LUZP2: variants seen among roughly 807,000 people sequenced by gnomAD.
LUZP2 encodes the protein leucine zipper protein 2.
LUZP2 carries 52 observed loss-of-function variants against 51.6 expected under a neutral mutation model. The ratio of observed to expected loss-of-function variants is 1.01; its 90% confidence interval spans 0.81 to 1.27. LUZP2 has a LOEUF of 1.27. LUZP2 is among the 50% of genes most tolerant of loss of function. LUZP2 has a pLI of 0.00. For synonymous variants in LUZP2, 154 were observed against 137.3 expected, an observed-to-expected ratio of 1.12 and a Z score of -0.85; for missense variants, 436 against 395.4, an observed-to-expected ratio of 1.10 and a Z score of -0.87.
intron 5 of LUZP2, among the ~76,000 whole-genome samples, chr11:24,898,346 C>CG (rs1484252217): frequency 2.0e-5 from 3 of 152,078 alleles, no homozygotes; most frequent in Non-Finnish European, 2.9e-5. Flanking sequence ...AGTTTAAGGC[C>CG]GGGCGCGGTG....
chr11:24,827,090 AGT>A (rs72063121), intron 5 of LUZP2, among the ~76,000 whole-genome samples: 112,917 of 151,862 alleles, frequency 0.74, 42,869 homozygotes, highest in Middle Eastern at 0.85. Context: ...AGAAATACAT[AGT>A]GTGGGTTTTG....
intron 10 of LUZP2, among the ~76,000 whole-genome samples, chr11:25,057,531 C>T (rs914337460): frequency 5.3e-5 from 8 of 152,156 alleles, no homozygotes; most frequent in African/African-American, 1.9e-4. Flanking sequence ...TACTCCATCC[C>T]ATTTTCCTGC....
chr11:24,849,869 A>C (rs899542237), intron 5 of LUZP2, among the ~76,000 whole-genome samples: 30 of 152,154 alleles, frequency 2.0e-4, no homozygotes, highest in African/African-American at 6.8e-4. Context: ...CATTTCTCTA[A>C]TGACCAGTGA....
chr11:24,961,718 C>G (rs1483606537), intron 7 of LUZP2, among the ~76,000 whole-genome samples: 1 of 152,010 alleles, frequency 6.6e-6, no homozygotes, highest in Non-Finnish European at 1.5e-5. Flanking sequence ...CTGTCTGTGT[C>G]TTTTAATTGA....
chr11:24,892,950 G>A (rs1412806178), intron 5 of LUZP2: 2 of 152,098 alleles, frequency 1.3e-5, no homozygotes, highest in African/African-American at 4.8e-5. Context: ...GTTTTCAAGA[G>A]TCCCAAAACA....
chr11:24,742,009 T>A (rs943296990), intron 4 of LUZP2, among the ~76,000 whole-genome samples: 1 of 125,960 alleles, frequency 7.9e-6, no homozygotes, highest in Non-Finnish European at 1.5e-5. Flanking sequence ...ATATTATATA[T>A]AAATATAATT....
At chr11:24,622,352 C>T (rs915530808) in intron 1 of LUZP2, among the ~76,000 whole-genome samples, 1 of 151,596 alleles carries the variant, frequency 6.6e-6, no homozygotes, top group African/African-American at 2.4e-5. Flanking sequence ...TTGTTCAATT[C>T]CCACCTATGA....
chr11:24,880,267 G>T (rs1035982288), intron 5 of LUZP2, among the ~76,000 whole-genome samples: 3 of 130,670 alleles, frequency 2.3e-5, no homozygotes, highest in African/African-American at 2.7e-5. Flanking sequence ...CAATTGCTGC[G>T]CTCTCCCTCT....
At chr11:24,899,369 A>G (rs1853198648) in intron 5 of LUZP2, among the ~76,000 whole-genome samples, 1 of 151,978 alleles carries the variant, frequency 6.6e-6, no homozygotes, top group Non-Finnish European at 1.5e-5. Context: ...GTACAATATC[A>G]ATTCTAAATA....
At chr11:24,773,245 A>G (rs1848804041) in intron 5 of LUZP2, among the ~76,000 whole-genome samples, 1 of 152,188 alleles carries the variant, frequency 6.6e-6, no homozygotes, top group African/African-American at 2.4e-5. Flanking sequence ...ACATTGTGCT[A>G]GATTCCAGAG....
At chr11:24,520,221 A>T (rs544912193) in intron 1 of LUZP2, among the ~76,000 whole-genome samples, 276 of 149,558 alleles carry the variant, frequency 1.8e-3, no homozygotes, top group Middle Eastern at 6.9e-3. Flanking sequence ...TTACCAACAG[A>T]ATTGAATAAA....
At chr11:24,972,664 G>A (rs1243210571) in intron 7 of LUZP2, among the ~76,000 whole-genome samples, 3 of 151,942 alleles carry the variant, frequency 2.0e-5, no homozygotes, top group African/African-American at 7.3e-5. Context: ...GCCTTTTTCT[G>A]TGTCTATTGA....
At chr11:24,756,483 G>A (rs189407949) in intron 4 of LUZP2, among the ~76,000 whole-genome samples, 1 of 152,298 alleles carries the variant, frequency 6.6e-6, no homozygotes, top group East Asian at 1.9e-4. Context: ...CATAACTGCA[G>A]CTCTATACCA....
chr11:24,843,473 G>C (rs183677508), intron 5 of LUZP2, among the ~76,000 whole-genome samples: 1 of 152,190 alleles, frequency 6.6e-6, no homozygotes, highest in Non-Finnish European at 1.5e-5. Flanking sequence ...ACAAAATAAT[G>C]TGAGCAAAAT....
intron 7 of LUZP2, among the ~76,000 whole-genome samples, chr11:24,975,523 A>C (rs1855861029): frequency 6.6e-6 from 1 of 152,104 alleles, no homozygotes; most frequent in Non-Finnish European, 1.5e-5. Flanking sequence ...AAGAACACAG[A>C]GATTAATCAA....
At chr11:24,957,400 A>G (rs1421376939) in intron 7 of LUZP2, among the ~76,000 whole-genome samples, 5 of 152,042 alleles carry the variant, frequency 3.3e-5, no homozygotes, top group Non-Finnish European at 5.9e-5. Flanking sequence ...CAAATTTGAT[A>G]TGTATCATAA....
chr11:24,572,350 C>T (rs1311851206), intron 1 of LUZP2, among the ~76,000 whole-genome samples: 2 of 151,792 alleles, frequency 1.3e-5, no homozygotes, highest in East Asian at 1.9e-4. Flanking sequence ...TTATATAAGC[C>T]GTGATAGTAA....
At chr11:24,627,212 T>C (rs1465083284) in intron 1 of LUZP2, among the ~76,000 whole-genome samples, 1 of 152,198 alleles carries the variant, frequency 6.6e-6, no homozygotes, top group Non-Finnish European at 1.5e-5. Context: ...GGAATTAATA[T>C]TTAATACCTC....
intron 5 of LUZP2, among the ~76,000 whole-genome samples, chr11:24,889,362 G>A (rs765402300): frequency 6.6e-6 from 1 of 152,134 alleles, no homozygotes; most frequent in African/African-American, 2.4e-5. Context: ...AGGTGAGGAG[G>A]TGATGCAAAC....
Sources: gnomAD v4.1 joint callset for allele counts (sites outside exome capture counted in the v4.1 genomes callset) on GRCh38, gnomAD v4.1.1 for gene constraint, MANE v1.5 for transcripts, NCBI Gene and HGNC (gene_info 2026-07-23, HGNC 2026-07-21) for gene names.